The following NR3C1 variants were observed in gnomAD, a reference collection of about 807,000 sequenced individuals.
NR3C1 encodes the protein glucocorticoid receptor.
In NR3C1, 14 loss-of-function variants were observed where a neutral mutation model predicts 74.0. That is an observed-to-expected ratio of 0.19 (90% CI 0.12 to 0.30). NR3C1 has a LOEUF of 0.30. NR3C1 is among the 10% of genes least tolerant of loss of function. The pLI, the probability that NR3C1 is intolerant of heterozygous loss-of-function variation, is 1.00. For missense variants in NR3C1, 695 were observed against 909.8 expected, an observed-to-expected ratio of 0.76 and a Z score of 3.04; for synonymous variants, 308 against 332.5, an observed-to-expected ratio of 0.93 and a Z score of 0.80.
chr5:143,337,764 A>T (rs1827425137), intron 2 of NR3C1, among the ~76,000 whole-genome samples: 1 of 152,238 alleles, frequency 6.6e-6, no homozygotes, highest in African/African-American at 2.4e-5. Flanking sequence ...ATTCATATAC[A>T]TATGATATTC....
chr5:143,409,065 CA>C (rs972581006), intron 1 of NR3C1: 1 of 152,124 alleles, frequency 6.6e-6, no homozygotes, highest in African/African-American at 2.4e-5. Flanking sequence ...GTTTGGGAAG[CA>C]AAAGCACCAG....
intron 4 of NR3C1, among the ~76,000 whole-genome samples, chr5:143,303,780 T>C (rs556044761): frequency 6.6e-6 from 1 of 152,104 alleles, no homozygotes; most frequent in Non-Finnish European, 1.5e-5. Context: ...TCGTTCAACA[T>C]ATGCAAATCA....
chr5:143,427,932 T>A (rs1751618845), intron 1 of NR3C1, among the ~76,000 whole-genome samples: 1 of 152,236 alleles, frequency 6.6e-6, no homozygotes, highest in Non-Finnish European at 1.5e-5. Context: ...CCTGGCACAA[T>A]GTTATTGTTA....
intron 2 of NR3C1, among the ~76,000 whole-genome samples, chr5:143,352,117 C>G (rs183605842): frequency 2.0e-5 from 3 of 152,230 alleles, no homozygotes; most frequent in East Asian, 1.9e-4. Context: ...TACAATCACA[C>G]ACATGCACAA....
chr5:143,361,861 A>G (rs1042508359), intron 2 of NR3C1, among the ~76,000 whole-genome samples: 11 of 152,226 alleles, frequency 7.2e-5, no homozygotes, highest in African/African-American at 2.7e-4. Flanking sequence ...ATGTACAGGA[A>G]TCATTAGATT....
chr5:143,350,591 T>C (rs1374743539), intron 2 of NR3C1, among the ~76,000 whole-genome samples: 2 of 152,026 alleles, frequency 1.3e-5, no homozygotes, highest in East Asian at 3.9e-4. Context: ...CCCAGTTAGA[T>C]AGTTGGAAAT....
intron 2 of NR3C1, chr5:143,390,053 T>A: frequency 3.4e-6 from 1 of 292,968 alleles, no homozygotes; most frequent in Non-Finnish European, 5.1e-6. Context: ...ACTTCGGCAC[T>A]AACAGAATAG....
At chr5:143,421,261 C>G (rs2151959576) in intron 1 of NR3C1, among the ~76,000 whole-genome samples, 1 of 152,268 alleles carries the variant, frequency 6.6e-6, no homozygotes, top group South Asian at 2.1e-4. Flanking sequence ...AAAGTGGGGC[C>G]AACAACAGGG....
intron 1 of NR3C1, among the ~76,000 whole-genome samples, chr5:143,430,074 T>A: frequency 7.1e-6 from 1 of 139,944 alleles, no homozygotes; most frequent in Non-Finnish European, 1.5e-5. Flanking sequence ...AGAGTGAGAC[T>A]CCATCTCCAA....
intron 2 of NR3C1, among the ~76,000 whole-genome samples, chr5:143,337,196 G>A (rs1009936712): frequency 2.0e-5 from 3 of 151,840 alleles, no homozygotes; most frequent in African/African-American, 7.3e-5. Context: ...TAGAAAAATG[G>A]ACAAAAAAAC....
In NR3C1 at chr5:143,332,596, C is replaced by A. The variant is rs1438144798; in HGVS notation, c.1185-18428G>T. ...AAAAAAGAATTGAGTAGCTGCACCA[C>A]TAGAAAGATGGCAGTAGCAAGACAG... On this transcript the variant is annotated intron_variant, in intron 2 of 8. Coordinates refer to ENST00000394464, the MANE Select transcript of NR3C1 (RefSeq NM_000176.3). 6 of 1,154,536 alleles carry A rather than the reference C, an allele frequency of 5.2e-6. No homozygotes were observed. The East Asian group carries it at 1.2e-4, about 23-fold the overall frequency. The allele number at this position is 1,154,536 out of a possible 1,614,324, so 71.5% of individuals were successfully genotyped here.
intron 1 of NR3C1, among the ~76,000 whole-genome samples, chr5:143,430,888 G>A (rs1561820308): frequency 6.6e-6 from 1 of 152,144 alleles, no homozygotes; most frequent in Admixed American, 6.5e-5. Context: ...AGTTCCCACC[G>A]TGTTTAGGGG....
At chr5:143,381,707 G>A (rs1252251242) in intron 2 of NR3C1, among the ~76,000 whole-genome samples, 3 of 152,118 alleles carry the variant, frequency 2.0e-5, no homozygotes, top group African/African-American at 4.8e-5. Flanking sequence ...AATAAATGGT[G>A]CTGGGAAAAC....
At position 143,375,527 on chromosome 5, in the gene NR3C1, T is replaced by C. The variant is rs566886173; in HGVS notation, c.1184+24129A>G. ...ACGGAAAGATGTCTGTGATACATTT[T>C]TAAGAGACATAATTCGTATGTACGC... On this transcript the variant is annotated intron_variant, in intron 2 of 8. Transcript: ENST00000394464. The C allele has an allele frequency of 6.6e-5, 10 of 152,360 alleles. No individual in the cohort carries two copies. In the South Asian group the frequency reaches 2.1e-3, roughly 32 times the overall value. The allele number at this position is 152,360 out of a possible 1,614,324, so 9.4% of individuals were successfully genotyped here.
intron 2 of NR3C1, among the ~76,000 whole-genome samples, chr5:143,344,797 C>T (rs1162644781): frequency 2.0e-5 from 3 of 151,932 alleles, no homozygotes; most frequent in African/African-American, 7.2e-5. Context: ...CTCTTGAACC[C>T]GGGAGGTGGA....
intron 1 of NR3C1, among the ~76,000 whole-genome samples, chr5:143,432,791 C>A (rs1458635853): frequency 6.6e-6 from 1 of 152,146 alleles, no homozygotes; most frequent in Admixed American, 6.5e-5. Flanking sequence ...TCAGGTAAAT[C>A]TGTCAACATT....
At chr5:143,355,211 G>C (rs1410331217) in intron 2 of NR3C1, among the ~76,000 whole-genome samples, 1 of 152,144 alleles carries the variant, frequency 6.6e-6, no homozygotes, top group Non-Finnish European at 1.5e-5. Flanking sequence ...CCCTATAATG[G>C]CCACAGCTAT....
intron 2 of NR3C1, among the ~76,000 whole-genome samples, chr5:143,398,017 TTTTA>T (rs1839542881): frequency 6.6e-6 from 1 of 151,922 alleles, no homozygotes; most frequent in South Asian, 2.1e-4. Context: ...TCCTAAGATG[TTTTA>T]TTTTTCTTTG....
At chr5:143,334,867 G>T (rs1193475569) in intron 2 of NR3C1, among the ~76,000 whole-genome samples, 1 of 151,998 alleles carries the variant, frequency 6.6e-6, no homozygotes, top group African/African-American at 2.4e-5. Context: ...GGAGCAAAAG[G>T]GTATAAATAG....
Sources: allele counts gnomAD v4.1 joint callset (sites outside exome capture counted in the v4.1 genomes callset), GRCh38; gene constraint gnomAD v4.1.1; transcripts MANE v1.5; gene names NCBI Gene and HGNC (gene_info 2026-07-23, HGNC 2026-07-21).